PPP2R2B: variants seen among roughly 807,000 people sequenced by gnomAD.
PPP2R2B encodes protein phosphatase 2 regulatory subunit Bbeta, also known as serine/threonine-protein phosphatase 2A 55 kDa regulatory subunit B beta isoform.
A neutral mutation model predicts 46.0 loss-of-function variants in PPP2R2B; 5 were observed. That is an observed-to-expected ratio of 0.11 (90% CI 0.06 to 0.23). PPP2R2B has a LOEUF of 0.23. PPP2R2B is among the 10% of genes least tolerant of loss of function. The probability of loss-of-function intolerance (pLI) is 1.00; values close to 1 mark genes in which losing one functional copy is unlikely to be tolerated. For missense variants in PPP2R2B, 367 were observed against 575.0 expected, an observed-to-expected ratio of 0.64 and a Z score of 3.70; for synonymous variants, 215 against 206.7, an observed-to-expected ratio of 1.04 and a Z score of -0.34.
At chr5:146,864,919 T>C (rs529686978) in intron 2 of PPP2R2B, among the ~76,000 whole-genome samples, 38 of 152,268 alleles carry the variant, frequency 2.5e-4, no homozygotes, top group Admixed American at 2.1e-3. Flanking sequence ...CTACAGTAAT[T>C]ACAAAGGTAT....
At chr5:147,026,848 G>A (rs1259203314) in intron 1 of PPP2R2B, among the ~76,000 whole-genome samples, 1 of 152,146 alleles carries the variant, frequency 6.6e-6, no homozygotes, top group Non-Finnish European at 1.5e-5. Context: ...CTGCTGGTGA[G>A]AGTGTAACTA....
Position 146,659,411 on chromosome 5 carries a change from T to C in PPP2R2B, c.448-8687A>G, listed in dbSNP as rs73312656. ...TGGTATAAGAGGGTTTTTAGAGTTATGTGGACTTGGGCTTGGATCCTGGCT... is the reference window on the plus strand; with the variant it reads ...TGGTATAAGAGGGTTTTTAGAGTTACGTGGACTTGGGCTTGGATCCTGGCT... On this transcript the variant is annotated intron_variant, in intron 5 of 9. Coordinates refer to ENST00000394411, the MANE Select transcript of PPP2R2B (RefSeq NM_181675.4). Among the ~76,000 whole-genome samples the C allele has an allele frequency of 6.4e-3, 970 of 152,324 alleles. 13 individuals are homozygous for C. Among genetic ancestry groups the C allele is most frequent in the African/African-American group, 0.022 (923 of 41,570 alleles).
chr5:146,772,221 A>G (rs1199872579), intron 2 of PPP2R2B, among the ~76,000 whole-genome samples: 1 of 152,046 alleles, frequency 6.6e-6, no homozygotes, highest in Non-Finnish European at 1.5e-5. Flanking sequence ...TTTATCCCCT[A>G]AAACAGCAAA....
intron 2 of PPP2R2B, 63 bp downstream of exon 2, chr5:146,877,939 A>T: frequency 6.4e-7 from 1 of 1,558,268 alleles, no homozygotes; most frequent in Non-Finnish European, 8.7e-7. Flanking sequence ...GCTGCCCAGG[A>T]AGCACAGTGA....
intron 5 of PPP2R2B, among the ~76,000 whole-genome samples, chr5:146,686,761 C>T (rs1430470450): frequency 6.6e-6 from 1 of 152,110 alleles, no homozygotes; most frequent in Non-Finnish European, 1.5e-5. Context: ...AAAAGAATAC[C>T]TCCAGGCTTA....
intron 2 of PPP2R2B, among the ~76,000 whole-genome samples, chr5:146,872,641 G>C (rs1263336572): frequency 6.6e-6 from 1 of 152,098 alleles, no homozygotes; most frequent in East Asian, 1.9e-4. Flanking sequence ...GCCCTAAAAA[G>C]CTAATGTATT....
intron 2 of PPP2R2B, among the ~76,000 whole-genome samples, chr5:146,818,767 G>T (rs958087679): frequency 7.9e-5 from 12 of 152,182 alleles, no homozygotes; most frequent in South Asian, 2.1e-4. Flanking sequence ...TTAATAGAAA[G>T]GATGCTGGCC....
At chr5:147,025,477 C>T (rs998449363) in intron 1 of PPP2R2B, among the ~76,000 whole-genome samples, 2 of 151,494 alleles carry the variant, frequency 1.3e-5, no homozygotes, top group Non-Finnish European at 1.5e-5. Flanking sequence ...AAAAAAACCC[C>T]GAAATAGGAG....
intron 1 of PPP2R2B, among the ~76,000 whole-genome samples, chr5:147,036,885 G>C (rs1329982311): frequency 6.6e-6 from 1 of 152,148 alleles, no homozygotes; most frequent in Non-Finnish European, 1.5e-5. Flanking sequence ...CAATGGAGAG[G>C]AAGTATGAAA....
At chr5:147,033,090 G>A (rs1406162056) in intron 1 of PPP2R2B, among the ~76,000 whole-genome samples, 1 of 152,086 alleles carries the variant, frequency 6.6e-6, no homozygotes, top group Non-Finnish European at 1.5e-5. Context: ...AAAACCTTAG[G>A]TTAATAAAAT....
At chr5:146,724,484 T>C (rs1751725592) in intron 2 of PPP2R2B, among the ~76,000 whole-genome samples, 1 of 152,190 alleles carries the variant, frequency 6.6e-6, no homozygotes, top group African/African-American at 2.4e-5. Flanking sequence ...CAGGGAACAC[T>C]GAACACATGG....
At chr5:146,640,663 C>T (rs1027418906) in intron 6 of PPP2R2B, among the ~76,000 whole-genome samples, 8 of 152,208 alleles carry the variant, frequency 5.3e-5, no homozygotes, top group African/African-American at 1.9e-4. Flanking sequence ...CAGTATAGCT[C>T]TGAAAACAAG....
chr5:147,012,435 C>T (rs1253090270), intron 1 of PPP2R2B, among the ~76,000 whole-genome samples: 1 of 152,074 alleles, frequency 6.6e-6, no homozygotes, highest in African/African-American at 2.4e-5. Flanking sequence ...TCCCCTTTAT[C>T]ATTTTTTATT....
chr5:146,812,591 ACACTGCTATCACTAGAGTTACTT>A, intron 2 of PPP2R2B, among the ~76,000 whole-genome samples: 8 of 21,740 alleles, frequency 3.7e-4, no homozygotes, highest in Admixed American at 6.7e-4. Context: ...ATATATATAT[ACACTGCTATCACTAGAGTTACTT>A]TATATATATA....
At chr5:146,688,153 T>C (rs1778623596) in intron 5 of PPP2R2B, among the ~76,000 whole-genome samples, 1 of 152,118 alleles carries the variant, frequency 6.6e-6, no homozygotes, top group Admixed American at 6.5e-5. Flanking sequence ...ATGTTTACAC[T>C]GAAATGCAGG....
At chr5:146,867,248 T>G (rs2151403488) in intron 2 of PPP2R2B, among the ~76,000 whole-genome samples, 1 of 152,334 alleles carries the variant, frequency 6.6e-6, no homozygotes, top group East Asian at 1.9e-4. Context: ...TCTATGGTCT[T>G]GTTCAACCTC....
chr5:146,614,945 G>A (rs1165879541), intron 7 of PPP2R2B, among the ~76,000 whole-genome samples: 3 of 123,068 alleles, frequency 2.4e-5, no homozygotes, highest in Non-Finnish European at 4.7e-5. Flanking sequence ...TCAGTATGGC[G>A]ATTCCTCAGG....
chr5:146,591,708 G>T (rs1581660459), intron 9 of PPP2R2B, among the ~76,000 whole-genome samples: 1 of 149,912 alleles, frequency 6.7e-6, no homozygotes. Context: ...AACCTTATCT[G>T]AAAGAGAAAT....
At chr5:146,706,319 G>C (rs1779848322) in intron 2 of PPP2R2B, 2 of 555,950 alleles carry the variant, frequency 3.6e-6, no homozygotes, top group Admixed American at 4.3e-5. Context: ...ACCTGCGCCA[G>C]AGCGAGAGCT....
Sources: gnomAD v4.1 joint callset for allele counts (sites outside exome capture counted in the v4.1 genomes callset) on GRCh38, gnomAD v4.1.1 for gene constraint, MANE v1.5 for transcripts, NCBI Gene and HGNC (gene_info 2026-07-23, HGNC 2026-07-21) for gene names.